Variants in NAV2 observed in about 807,000 individuals in gnomAD.
NAV2 encodes neuron navigator 2.
A neutral mutation model predicts 223.2 loss-of-function variants in NAV2; 54 were observed. The ratio of observed to expected loss-of-function variants is 0.24; its 90% confidence interval spans 0.19 to 0.30. The LOEUF (loss-of-function observed/expected upper bound fraction) is 0.30, where lower values mean the gene tolerates loss of function less well. Among genes scored for constraint, NAV2 ranks in the 10% least tolerant of loss-of-function variants. The pLI is 1.00. For missense variants in NAV2, 2,806 were observed against 3,147.5 expected (o/e 0.89, Z 2.60); for synonymous variants, 1,279 against 1,239.3 (o/e 1.03, Z -0.67).
intron 1 of NAV2, among the ~76,000 whole-genome samples, chr11:19,399,612 G>T (rs1398302917): frequency 6.6e-6 from 1 of 152,198 alleles, no homozygotes; most frequent in Non-Finnish European, 1.5e-5. Flanking sequence ...GTACTGCAGG[G>T]TTAAGATGGC....
chr11:19,777,472 C>T (rs1161758809), intron 1 of NAV2: 3 of 454,230 alleles, frequency 6.6e-6, no homozygotes, highest in Non-Finnish European at 8.8e-6. Context: ...GTAAGATGAG[C>T]GTGATGCTGT....
At chr11:20,036,222 C>A in intron 12 of NAV2, 125 bp downstream of exon 12, 1 of 1,074,702 alleles carries the variant, frequency 9.3e-7, no homozygotes, top group Non-Finnish European at 1.3e-6. Flanking sequence ...GAGGCCCAGC[C>A]TCCTGCCGCC....
At chr11:19,983,577 G>A (rs1020496956) in intron 10 of NAV2, among the ~76,000 whole-genome samples, 11 of 152,110 alleles carry the variant, frequency 7.2e-5, no homozygotes, top group Non-Finnish European at 1.2e-4. Context: ...GTCACAGGCC[G>A]TGATAGTCCT....
At chr11:19,741,675 A>ATG (rs764735471) in intron 1 of NAV2, among the ~76,000 whole-genome samples, 1 of 79,612 alleles carries the variant, frequency 1.3e-5, no homozygotes, top group African/African-American at 4.8e-5. Flanking sequence ...TGTATGTATC[A>ATG]TGTGTGTGTG....
At chr11:19,904,328 C>G (rs890401603) in intron 6 of NAV2, among the ~76,000 whole-genome samples, 10 of 152,038 alleles carry the variant, frequency 6.6e-5, no homozygotes, top group African/African-American at 2.4e-4. Context: ...TTATTTCTGC[C>G]TGCATGGAAC....
intron 1 of NAV2, among the ~76,000 whole-genome samples, chr11:19,501,670 T>C (rs2042966567): frequency 6.6e-6 from 1 of 151,936 alleles, no homozygotes; most frequent in Non-Finnish European, 1.5e-5. Flanking sequence ...TTATAGCACA[T>C]ATTGCTTACT....
At chr11:19,459,677 T>C (rs1287525081) in intron 1 of NAV2, among the ~76,000 whole-genome samples, 1 of 152,088 alleles carries the variant, frequency 6.6e-6, no homozygotes, top group Non-Finnish European at 1.5e-5. Flanking sequence ...GCTATGATGG[T>C]TGTGTGGAGG....
chr11:19,884,300 A>T, intron 5 of NAV2: 1 of 1,613,486 alleles, frequency 6.2e-7, no homozygotes, highest in Non-Finnish European at 8.5e-7. Context: ...GCAGTGCATC[A>T]TCCAAGGACT....
At chr11:20,061,500 C>A (rs1047032706) in intron 19 of NAV2, among the ~76,000 whole-genome samples, 9 of 149,540 alleles carry the variant, frequency 6.0e-5, no homozygotes, top group African/African-American at 2.2e-4. Flanking sequence ...ACTTGGGAGG[C>A]AGAGGTTGTG....
intron 10 of NAV2, among the ~76,000 whole-genome samples, chr11:19,959,076 A>T (rs1029479972): frequency 1.3e-5 from 2 of 152,150 alleles, no homozygotes; most frequent in African/African-American, 2.4e-5. Flanking sequence ...CCTGTGTTGT[A>T]ACTGCTGGGA....
At chr11:19,691,256 A>AG (rs1380841889) in intron 1 of NAV2, among the ~76,000 whole-genome samples, 3 of 77,124 alleles carry the variant, frequency 3.9e-5, no homozygotes, top group Non-Finnish European at 1.4e-4. Flanking sequence ...ATTAAAAAAC[A>AG]GAAAAAAAAA....
At chr11:19,860,005 C>A (rs538809109) in intron 3 of NAV2, among the ~76,000 whole-genome samples, 1 of 125,340 alleles carries the variant, frequency 8.0e-6, no homozygotes, top group East Asian at 2.5e-4. Flanking sequence ...GCTGACCCCC[C>A]CTCCCTCCCG....
At chr11:19,899,905 T>C (rs2042302044) in intron 6 of NAV2, among the ~76,000 whole-genome samples, 1 of 152,196 alleles carries the variant, frequency 6.6e-6, no homozygotes, top group Non-Finnish European at 1.5e-5. Flanking sequence ...AGTGTAAACT[T>C]CTGCAAGATC....
At position 19,714,791 on chromosome 11, in the gene NAV2, C is replaced by T. The variant is rs527859689; in HGVS notation, c.267+829C>T. ...TGCATCCAGACAAGCCCTGGCCGTG[C>T]AATCTCTTTTACAGAAATTAGCAAG... On this transcript the variant is annotated intron_variant, in intron 1 of 37. Transcript: ENST00000349880. 1.8e-4 allele frequency among the ~76,000 whole-genome samples: 28 copies of T among 152,298 alleles called. No individual in the cohort carries two copies. In the South Asian group the frequency reaches 3.9e-3, roughly 21 times the overall value.
intron 1 of NAV2, among the ~76,000 whole-genome samples, chr11:19,648,071 G>A (rs948235890): frequency 1.3e-5 from 2 of 152,088 alleles, no homozygotes; most frequent in African/African-American, 4.8e-5. Context: ...GCTTATACTC[G>A]CACAAGAGCC....
At chr11:20,060,087 A>G (rs560291442) in intron 19 of NAV2, among the ~76,000 whole-genome samples, 7 of 152,332 alleles carry the variant, frequency 4.6e-5, no homozygotes, top group African/African-American at 1.7e-4. Context: ...AGCCTGCCAG[A>G]TGTGCTCTTC....
rs2045625475 is a variant in NAV2, at chr11:19,934,068, A to G, written c.1824A>G (p.Arg608=). The change falls in exon 7 of 38, where the codon AGA becomes AGG. Residue 608 remains arginine, a synonymous_variant. Transcript: ENST00000349880. ...LPQQKPQLDG[R]HSSSSSSLAS... ...AGCAGAAGCCCCAGCTGGACGGCAG[A>G]CACTCCAGTTCCTCTTCCAGCCTGG... 6.8e-6 allele frequency: 11 copies of G among 1,608,562 alleles called. No individual in the cohort carries two copies. The highest frequency in any genetic ancestry group is 6.8e-6 in the Non-Finnish European group (8 of 1,177,274).
intron 1 of NAV2, among the ~76,000 whole-genome samples, chr11:19,630,293 C>G (rs2135485895): frequency 6.6e-6 from 1 of 152,308 alleles, no homozygotes; most frequent in Non-Finnish European, 1.5e-5. Flanking sequence ...TCAACCTGAG[C>G]AAGAAGAAGC....
chr11:20,061,101 C>G (rs1354190822), intron 19 of NAV2, among the ~76,000 whole-genome samples: 1 of 152,152 alleles, frequency 6.6e-6, no homozygotes, highest in Non-Finnish European at 1.5e-5. Flanking sequence ...CACCCATGGC[C>G]AGGAAAGCTG....
Sources: allele counts gnomAD v4.1 joint callset (sites outside exome capture counted in the v4.1 genomes callset), GRCh38; gene constraint gnomAD v4.1.1; transcripts MANE v1.5; gene names NCBI Gene and HGNC (gene_info 2026-07-23, HGNC 2026-07-21).